SLC37A1: variants seen among roughly 807,000 people sequenced by gnomAD.
SLC37A1 encodes the protein solute carrier family 37 member 1.
A neutral mutation model predicts 75.3 loss-of-function variants in SLC37A1; 49 were observed. The observed-to-expected ratio is 0.65, with a 90% confidence interval of 0.52 to 0.83. The LOEUF is 0.83. SLC37A1 is among the 40% of genes least tolerant of loss of function. The pLI, the probability that SLC37A1 is intolerant of heterozygous loss-of-function variation, is 0.00. For synonymous variants in SLC37A1, 268 were observed against 292.1 expected (o/e 0.92, Z 0.84); for missense variants, 566 against 695.0 (o/e 0.81, Z 2.09).
At chr21:42,569,616 A>G (rs1336044212) in intron 17 of SLC37A1, among the ~76,000 whole-genome samples, 2 of 152,002 alleles carry the variant, frequency 1.3e-5, no homozygotes, top group South Asian at 4.2e-4. Flanking sequence ...TCCTGGGACC[A>G]CCCTGCTGAG....
In SLC37A1 at chr21:42,552,983, G is replaced by T. The variant is rs2055593967; in HGVS notation, c.769-1079G>T. ...GCACAAAACAAATGTATTTTTAAAGGTGTTTTGTTACATTTTCAAGTAATA... is the reference window on the plus strand; with the variant it reads ...GCACAAAACAAATGTATTTTTAAAGTTGTTTTGTTACATTTTCAAGTAATA... On this transcript the variant is annotated intron_variant, in intron 9 of 19. Coordinates refer to ENST00000352133, the MANE Select transcript of SLC37A1 (RefSeq NM_001320537.2). This position sits in a 1 kb window ranked among gnomAD's most constrained non-coding sequence, Gnocchi z 4.2. Among the ~76,000 whole-genome samples, 1 of 152,218 alleles carries T rather than the reference G, an allele frequency of 6.6e-6. No homozygotes were observed. The highest frequency in any genetic ancestry group is 6.5e-5 in the Admixed American group (1 of 15,294).
intron 6 of SLC37A1, among the ~76,000 whole-genome samples, chr21:42,541,626 A>G (rs1414453933): frequency 2.0e-5 from 3 of 152,254 alleles, no homozygotes; most frequent in Non-Finnish European, 4.4e-5. Context: ...AATGATTAAC[A>G]ACAGTACCTT....
intron 1 of SLC37A1, among the ~76,000 whole-genome samples, chr21:42,501,459 C>T (rs189143342): frequency 6.6e-5 from 10 of 152,278 alleles, no homozygotes; most frequent in Admixed American, 6.5e-4. Context: ...GCCTGTAATC[C>T]CAGCACTTTG....
In SLC37A1 at chr21:42,561,987, G is replaced by A; in HGVS notation, c.982-91G>A. 3 of 1,026,370 alleles carry A rather than the reference G, an allele frequency of 2.9e-6. No individual in the cohort carries two copies. The East Asian group carries it at 7.1e-5, about 24-fold the overall frequency. 63.6% of individuals were successfully genotyped at this position (1,026,370 alleles called of 1,614,324 possible). On this transcript the variant is annotated intron_variant, in intron 11 of 19. Coordinates refer to ENST00000352133, the MANE Select transcript of SLC37A1 (RefSeq NM_001320537.2). ...CAGACCAGAGACAGGATGTCTTTAT[G>A]GGAGCGAAGTCATATTTAACTCTGT...
intron 18 of SLC37A1, among the ~76,000 whole-genome samples, chr21:42,576,907 G>T (rs757508151): frequency 3.9e-5 from 6 of 152,204 alleles, no homozygotes; most frequent in Non-Finnish European, 8.8e-5. Flanking sequence ...TAAAATGGAG[G>T]ACCAAATGAG....
chr21:42,563,234 A>T (rs2055879202), intron 12 of SLC37A1, among the ~76,000 whole-genome samples: 1 of 152,180 alleles, frequency 6.6e-6, no homozygotes, highest in Non-Finnish European at 1.5e-5. Context: ...TGACGTTCTC[A>T]GGACTTGAGT....
intron 8 of SLC37A1, among the ~76,000 whole-genome samples, chr21:42,546,641 C>G (rs2055414250): frequency 6.6e-6 from 1 of 152,226 alleles, no homozygotes; most frequent in South Asian, 2.1e-4. Flanking sequence ...CCCTTGCACA[C>G]AAGTGGGCTG....
At chr21:42,563,991 T>A in intron 13 of SLC37A1, 114 bp downstream of exon 13, 1 of 1,225,432 alleles carries the variant, frequency 8.2e-7, no homozygotes, top group Non-Finnish European at 1.2e-6. Flanking sequence ...ATCCCCTGAG[T>A]GGGCCCAGCC....
At chr21:42,536,733 C>T (rs746670246) in intron 5 of SLC37A1, among the ~76,000 whole-genome samples, 245 of 152,300 alleles carry the variant, frequency 1.6e-3, no homozygotes, top group Non-Finnish European at 2.6e-3. Context: ...ACAGGGGTGA[C>T]GTTGCTTTAT....
chr21:42,504,231 G>A (rs1271977616), intron 2 of SLC37A1, among the ~76,000 whole-genome samples: 2 of 152,142 alleles, frequency 1.3e-5, no homozygotes, highest in East Asian at 3.8e-4. Flanking sequence ...CCAGGCTTTA[G>A]GATGGCTAGA....
At chr21:42,578,779 A>G (rs909467705) in intron 18 of SLC37A1, among the ~76,000 whole-genome samples, 1 of 152,128 alleles carries the variant, frequency 6.6e-6, no homozygotes, top group Non-Finnish European at 1.5e-5. Flanking sequence ...AGGGACTCCT[A>G]AGCTCCTACT....
At chr21:42,528,062 A>G (rs1165908676) in intron 3 of SLC37A1, among the ~76,000 whole-genome samples, 1 of 152,224 alleles carries the variant, frequency 6.6e-6, no homozygotes, top group Non-Finnish European at 1.5e-5. Flanking sequence ...GTATTTGCTT[A>G]CTTGAAATTG....
chr21:42,513,372 C>T (rs1373801862), upstream of SLC37A1, among the ~76,000 whole-genome samples: 2 of 152,236 alleles, frequency 1.3e-5, no homozygotes, highest in African/African-American at 4.8e-5. Context: ...ATCCGCGTGC[C>T]GCATTTCCAC....
intron 5 of SLC37A1, among the ~76,000 whole-genome samples, chr21:42,539,135 A>G (rs771538302): frequency 1.3e-4 from 20 of 152,312 alleles, no homozygotes; most frequent in South Asian, 6.2e-4. Context: ...GTGTAGTTTG[A>G]CAACTGGAAT....
intron 11 of SLC37A1, chr21:42,560,522 TGCAACC>T (rs1206085964): frequency 1.3e-5 from 2 of 152,258 alleles, no homozygotes; most frequent in Non-Finnish European, 2.9e-5. Context: ...GTATAAACAA[TGCAACC>T]CAGACCTCAA....
chr21:42,504,892 A>G (rs1009874877), intron 2 of SLC37A1, among the ~76,000 whole-genome samples: 1 of 152,220 alleles, frequency 6.6e-6, no homozygotes, highest in African/African-American at 2.4e-5. Context: ...GAATCTGAAC[A>G]TCATCAATGT....
chr21:42,505,149 A>G (rs1033457117), intron 2 of SLC37A1, among the ~76,000 whole-genome samples: 3 of 152,104 alleles, frequency 2.0e-5, no homozygotes, highest in African/African-American at 7.2e-5. Context: ...ACATCTAATC[A>G]CGTTGTTCTT....
chr21:42,559,014 C>G lies in SLC37A1; in HGVS notation c.906C>G (p.Asn302Lys). ...ATGGGAAGGGCTCCATCCACCCGAA[C>G]CACGTCGTCATTCTCCCCGGGGACG... is the stretch of plus-strand genomic sequence containing the variant. ...LSDGKGSIHPNHVVILPGDGG... is the reference protein window; with the variant it reads ...LSDGKGSIHPKHVVILPGDGG... Residue 302 changes from asparagine (N) to lysine (K), a missense_variant, in exon 11 of 20, where the codon AAC (asparagine) becomes AAG (lysine). Coordinates refer to ENST00000352133, the MANE Select transcript of SLC37A1 (RefSeq NM_001320537.2). 1 of 1,613,938 alleles carries G rather than the reference C, an allele frequency of 6.2e-7. No individual in the cohort carries two copies. Among genetic ancestry groups the G allele is most frequent in the Non-Finnish European group, 8.5e-7 (1 of 1,179,962 alleles).
At position 42,563,822 on chromosome 21, in the gene SLC37A1, T is replaced by C; in HGVS notation, c.1080T>C (p.Leu360=). The change falls in exon 13 of 20, where the codon CTT becomes CTC. Residue 360 remains leucine, a synonymous_variant. Transcript: ENST00000352133. ...CCGTTGTCATTTCAATAGATCACCT[T>C]GATGCCAAAAAGGCGGGGGAGCTCT... ...LPLYITNVDH[L]DAKKAGELST... 1 of 1,614,156 alleles carries C rather than the reference T, an allele frequency of 6.2e-7. No individual in the cohort carries two copies. The highest frequency in any genetic ancestry group is 2.2e-5 in the East Asian group (1 of 44,886).
Sources: allele counts gnomAD v4.1 joint callset (sites outside exome capture counted in the v4.1 genomes callset), GRCh38; gene constraint gnomAD v4.1.1; non-coding constraint Gnocchi (gnomAD v3.1); transcripts MANE v1.5; gene names NCBI Gene and HGNC (gene_info 2026-07-23, HGNC 2026-07-21).